The following BTBD18 variants were observed in gnomAD, a reference collection of about 807,000 sequenced individuals.
BTBD18 encodes the protein BTB/POZ domain-containing protein 18.
For synonymous variants in BTBD18, 311 were observed against 324.4 expected, an observed-to-expected ratio of 0.96 and a Z score of 0.44; for missense variants, 787 against 846.3, an observed-to-expected ratio of 0.93 and a Z score of 0.87.
chr11:57,752,897 C>G (rs572607929), upstream of BTBD18, among the ~76,000 whole-genome samples: 1 of 152,376 alleles, frequency 6.6e-6, no homozygotes, highest in Non-Finnish European at 1.5e-5. Flanking sequence ...CCTGGCCCAA[C>G]TCCTTTGAAG....
In BTBD18 at chr11:57,751,325, G is replaced by GAT. The variant is rs749194561; in HGVS notation, c.-48-91_-48-90dup. ...TGGCAGGGGAATTTTGAAAGTGAGA[G>GAT]ATAATAGTATGAGTTGAGGAAACAT... On this transcript the variant is annotated intron_variant, in intron 1 of 2. Transcript: ENST00000422652. The GAT allele has an allele frequency of 3.1e-5, 20 of 644,502 alleles. No homozygotes were observed. The Admixed American group carries it at 3.2e-4, about 10-fold the overall frequency. The allele number at this position is 644,502 out of a possible 1,614,324, so 39.9% of individuals were successfully genotyped here. A position where few individuals can be genotyped will look rare whatever the true frequency, so the allele number is the denominator to read the frequency against.
At position 57,744,496 on chromosome 11, in the gene BTBD18, G is replaced by A; in HGVS notation, c.1777C>T (p.Pro593Ser). 6.4e-7 allele frequency: 1 copy of A among 1,551,626 alleles called. No homozygotes were observed. Among genetic ancestry groups the A allele is most frequent in the Non-Finnish European group, 8.7e-7 (1 of 1,146,974 alleles). Residue 593 changes from proline (P) to serine (S), a missense_variant, in exon 3 of 3, where the codon CCA (proline) becomes TCA (serine). Physicochemically the swap from Pro to Ser is moderately conservative, Grantham distance 74. Transcript: ENST00000422652. ...TGGGAGCTGGTAATTTCAAGGTCTG[G>A]TGTCCAACGGCCTCCTACTGAAAGC... is the stretch of plus-strand genomic sequence containing the variant. ...EVLSVGGRWT[P>S]DLEITSSQPL... is the part of the protein sequence containing the mutation.
rs538778693 is a variant in BTBD18 at position 57,745,658 on chromosome 11, A to G, written c.615T>C (p.Leu205=). ...AGGCTCTGGCCTTCCTCTTGAGCAG[A>G]AGAGTGCCAGACAAATTGTCTGCAT... ...RQNADNLSGT[L]LLKRKARACP... Residue 205 remains leucine, a synonymous_variant, in exon 3 of 3, where the codon CTT becomes CTC. Transcript: ENST00000422652. 99 of 1,551,596 alleles carry G rather than the reference A, an allele frequency of 6.4e-5. 1 individual carries two copies. The East Asian group carries it at 1.8e-3, about 28-fold the overall frequency.
At position 57,746,147 on chromosome 11, in the gene BTBD18, A is replaced by G. The variant is rs942920242; in HGVS notation, c.126T>C (p.Gly42=). Residue 42 remains glycine (G), a splice_region_variant and synonymous_variant, in exon 3 of 3, where the codon GGT becomes GGC. Coordinates refer to ENST00000422652, the MANE Select transcript of BTBD18 (RefSeq NM_001145101.3). ...TGCAGCAGTGAGCTGGAACTGCCTC[A>G]CCTGAAGGGAAACCCAAATACTTTT... is the stretch of plus-strand genomic sequence containing the variant. ...VFCDVLLQAE[G]EAVPAHCCIL... 4.2e-5 allele frequency: 64 copies of G among 1,535,696 alleles called. No homozygotes were observed. The Admixed American group carries it at 1.2e-3, about 30-fold the overall frequency.
chr11:57,745,602 G>A lies in BTBD18; in HGVS notation c.671C>T (p.Pro224Leu). 1.3e-6 allele frequency: 2 copies of A among 1,551,596 alleles called. No individual in the cohort carries two copies. The highest frequency in any genetic ancestry group is 8.7e-7 in the Non-Finnish European group (1 of 1,146,968). The change falls in exon 3 of 3, where the codon CCA becomes CTA. Residue 224 changes from proline to leucine, a missense_variant. Transcript: ENST00000422652. ...CPTPQEKNSSPSSHSQEPREN... is the reference protein window; with the variant it reads ...CPTPQEKNSSLSSHSQEPREN... ...TCTAGGCTCTTGACTATGGCTTGAT[G>A]GTGAAGAGTTTTTTTCTTGTGGAGT...
rs900972593 is a variant in BTBD18 at position 57,751,179 on chromosome 11, G to A, written c.10C>T (p.Pro4Ser). The part of the protein sequence containing the change: MCS[P>S]ASPKILYRNP... ...CTGTATAGGATTTTGGGACTGGCAGGAGAGCACATGTTGGCAAGAGTCTTA... is the reference window on the plus strand; with the variant it reads ...CTGTATAGGATTTTGGGACTGGCAGAAGAGCACATGTTGGCAAGAGTCTTA... The change falls in exon 2 of 3, where the codon CCT (proline) becomes TCT (serine). Residue 4 changes from proline to serine, a missense_variant. Physicochemically the swap from Pro to Ser is moderately conservative, Grantham distance 74. Coordinates refer to ENST00000422652, the MANE Select transcript of BTBD18 (RefSeq NM_001145101.3). 5 of 1,541,594 alleles carry A rather than the reference G, an allele frequency of 3.2e-6. No homozygotes were observed. The African/African-American group carries it at 6.9e-5, about 21-fold the overall frequency.
Position 57,743,832 on chromosome 11 carries a change from G to A in BTBD18, c.*302C>T. On this transcript the variant is annotated 3_prime_UTR_variant, in exon 3 of 3. Transcript: ENST00000422652. ...TGACTGGATGCCTTATGACCTGAGA[G>A]ATCTGGCCTTGGCTGTTACCTATGA... is the stretch of plus-strand genomic sequence containing the variant. 1 of 254,286 alleles carries A rather than the reference G, an allele frequency of 3.9e-6. No homozygotes were observed. The highest frequency in any genetic ancestry group is 7.6e-6 in the Non-Finnish European group (1 of 132,256). 15.8% of individuals were successfully genotyped at this position (254,286 alleles called of 1,614,324 possible).
chr11:57,749,944 A>G (rs1216757018), intron 2 of BTBD18, among the ~76,000 whole-genome samples: 2 of 152,146 alleles, frequency 1.3e-5, no homozygotes, highest in Non-Finnish European at 2.9e-5. Context: ...TCTGACTCCT[A>G]ATCTTGGGCC....
rs761770489 is a variant in BTBD18 at position 57,744,567 on chromosome 11, G to T, written c.1706C>A (p.Thr569Asn). 1.3e-6 allele frequency: 2 copies of T among 1,551,724 alleles called. No individual in the cohort carries two copies. The highest frequency in any genetic ancestry group is 2.4e-5 in the South Asian group (2 of 84,066). The part of the protein sequence containing the change: ...KEPAGENRGP[T>N]ELLSPLVMPS... ...CATGACAAGGGGGCTAAGGAGCTCAGTTGGCCCTCTGTTCTCACCAGCAGG... is the reference window on the plus strand; with the variant it reads ...CATGACAAGGGGGCTAAGGAGCTCATTTGGCCCTCTGTTCTCACCAGCAGG... Residue 569 changes from threonine to asparagine, a missense_variant, in exon 3 of 3, where the codon ACT becomes AAT. Transcript: ENST00000422652.
chr11:57,753,031 T>A (rs1949347908), upstream of BTBD18, among the ~76,000 whole-genome samples: 2 of 152,248 alleles, frequency 1.3e-5, no homozygotes, highest in South Asian at 2.1e-4. Context: ...CTGGCGCCCT[T>A]GTATCCCTGC....
chr11:57,749,803 C>T (rs1949269050), intron 2 of BTBD18, among the ~76,000 whole-genome samples: 1 of 146,684 alleles, frequency 6.8e-6, no homozygotes, highest in South Asian at 2.2e-4. Context: ...GTATGTAATC[C>T]ACAAACTGTA....
chr11:57,744,522 A>T lies in BTBD18; in HGVS notation c.1751T>A (p.Val584Glu), dbSNP rs1269312737. 3 of 1,551,470 alleles carry T rather than the reference A, an allele frequency of 1.9e-6. No individual in the cohort carries two copies. The African/African-American group carries it at 4.1e-5, about 21-fold the overall frequency. The change falls in exon 3 of 3, where the codon GTG (valine) becomes GAG (glutamate). Residue 584 changes from valine (V) to glutamate (E), a missense_variant. Val to Glu is a moderately radical substitution (Grantham distance 121). Coordinates refer to ENST00000422652, the MANE Select transcript of BTBD18 (RefSeq NM_001145101.3). ...PLVMPSEVSE[V>E]LSVGGRWTPD... ...TGTCCAACGGCCTCCTACTGAAAGC[A>T]CTTCACTCACCTCAGAGGGCATGAC...
chr11:57,747,371 A>C (rs1473815741), intron 2 of BTBD18, among the ~76,000 whole-genome samples: 2 of 151,966 alleles, frequency 1.3e-5, no homozygotes, highest in Non-Finnish European at 2.9e-5. Context: ...CTTATTCCCC[A>C]CCCCAAAAAA....
rs1949316504 is a variant in BTBD18 at position 57,751,799 on chromosome 11, C to A, written c.-307G>T. The A allele has an allele frequency of 6.6e-6, 1 of 152,182 alleles. No homozygotes were observed. The highest frequency in any genetic ancestry group is 6.5e-5 in the Admixed American group (1 of 15,276). The allele number at this position is 152,182 out of a possible 1,614,324, so 9.4% of individuals were successfully genotyped here. On this transcript the variant is annotated 5_prime_UTR_variant, in exon 1 of 3. Coordinates refer to ENST00000422652, the MANE Select transcript of BTBD18 (RefSeq NM_001145101.3). ...GAAACATTACTGGGTATAAAATTAT[C>A]TCTAGTAAGTCGTATGCGCCTTTTC...
chr11:57,752,688 T>C (rs1478752234), upstream of BTBD18, among the ~76,000 whole-genome samples: 2 of 152,230 alleles, frequency 1.3e-5, no homozygotes, highest in African/African-American at 2.4e-5. Context: ...TTGCCTTCTC[T>C]GTGCTTGTCC....
At position 57,744,132 on chromosome 11, in the gene BTBD18, C is replaced by T. The variant is rs774798950; in HGVS notation, c.*2G>A. 1.9e-6 allele frequency: 3 copies of T among 1,541,624 alleles called. No homozygotes were observed. The highest frequency in any genetic ancestry group is 4.9e-5 in the East Asian group (2 of 40,844). ...GGCCCCTAACCTGCCCTCCCCTCTC[C>T]ACTATGTTAGTATATCTACCTCTGT... On this transcript the variant is annotated 3_prime_UTR_variant, in exon 3 of 3. Coordinates refer to ENST00000422652, the MANE Select transcript of BTBD18 (RefSeq NM_001145101.3).
Position 57,745,409 on chromosome 11 carries a change from T to C in BTBD18, c.864A>G (p.Ser288=). The C allele has an allele frequency of 1.3e-6, 2 of 1,551,730 alleles. No individual in the cohort carries two copies. The highest frequency in any genetic ancestry group is 8.7e-7 in the Non-Finnish European group (1 of 1,147,000). Residue 288 remains serine, a synonymous_variant, in exon 3 of 3, where the codon TCA becomes TCG. Transcript: ENST00000422652. ...KPSSILSGSS[S]VPATPGRRLW... is the part of the protein sequence containing the mutation. ...GACGCCGGCCAGGGGTTGCAGGCAC[T>C]GAGCTAGATCCACTTAAAATGCTGG...
chr11:57,751,108 C>T lies in BTBD18; in HGVS notation c.81G>A (p.Gln27=). 1 of 1,550,474 alleles carries T rather than the reference C, an allele frequency of 6.4e-7. No homozygotes were observed. The highest frequency in any genetic ancestry group is 1.2e-5 in the South Asian group (1 of 83,804). ...CATCACAGAACACATCACTCTGCTG[C>T]TGGTGATGAAGCTGCAGAAAAGCTA... ...LRLAFLQLHH[Q]QQSDVFCDVL... is the part of the protein sequence containing the mutation. Residue 27 remains glutamine (Q), a synonymous_variant, in exon 2 of 3, where the codon CAG becomes CAA. Transcript: ENST00000422652.
Position 57,746,061 on chromosome 11 carries a change from C to T in BTBD18, c.212G>A (p.Gly71Asp). ...ACCCAGCTCTAGCACCACCTTCCCA[C>T]CCTGAGCTGGCCTCTCCCGCTCCAG... ...ERLERERPAQ[G>D]GKVVLELGGL... The change falls in exon 3 of 3, where the codon GGT becomes GAT. Residue 71 changes from glycine (G) to aspartate (D), a missense_variant. Physicochemically the swap from Gly to Asp is moderately conservative, Grantham distance 94 (BLOSUM62 -1). Coordinates refer to ENST00000422652, the MANE Select transcript of BTBD18 (RefSeq NM_001145101.3). The T allele has an allele frequency of 6.4e-7, 1 of 1,551,708 alleles. No homozygotes were observed. Among genetic ancestry groups the T allele is most frequent in the Non-Finnish European group, 8.7e-7 (1 of 1,146,990 alleles).
Sources: gnomAD v4.1 joint callset for allele counts (sites outside exome capture counted in the v4.1 genomes callset) on GRCh38, gnomAD v4.1.1 for gene constraint, MANE v1.5 for transcripts, NCBI Gene and HGNC (gene_info 2026-07-23, HGNC 2026-07-21) for gene names.